The following NAV2 variants were observed in gnomAD, a reference collection of about 807,000 sequenced individuals.
The protein encoded by NAV2 is neuron navigator 2.
NAV2 carries 54 observed loss-of-function variants against 223.2 expected under a neutral mutation model. The ratio of observed to expected loss-of-function variants is 0.24; its 90% CI spans 0.19 to 0.30. The LOEUF (loss-of-function observed/expected upper bound fraction) is 0.30, where lower values mean the gene tolerates loss of function less well. Among genes scored for constraint, NAV2 ranks in the 10% least tolerant of loss-of-function variants. The pLI, the probability that NAV2 is intolerant of heterozygous loss-of-function variation, is 1.00. For missense variants in NAV2, 2,806 were observed against 3,147.5 expected, an observed-to-expected ratio of 0.89 and a Z score of 2.60; for synonymous variants, 1,279 against 1,239.3, an observed-to-expected ratio of 1.03 and a Z score of -0.67.
intron 1 of NAV2, among the ~76,000 whole-genome samples, chr11:19,367,466 G>C (rs981272263): frequency 1.2e-4 from 19 of 152,172 alleles, no homozygotes; most frequent in Middle Eastern, 3.4e-3. Context: ...TTTATGTCTG[G>C]GACATTGTAG....
At chr11:19,862,303 G>A (rs562415734) in intron 3 of NAV2, among the ~76,000 whole-genome samples, 4 of 152,334 alleles carry the variant, frequency 2.6e-5, no homozygotes, top group Admixed American at 1.3e-4. Flanking sequence ...TTAAAGGCAG[G>A]AGCTGGGCAA....
rs115168945 is a variant in NAV2 at position 20,060,673 on chromosome 11, T to C, written c.4832-1634T>C. 3.3e-3 allele frequency among the ~76,000 whole-genome samples: 497 copies of C among 152,324 alleles called. 1 individual carries two copies. The highest frequency in any genetic ancestry group is 0.011 in the African/African-American group (477 of 41,576). ...GAGGAAGCCCTCCCAGGTGGCAGTC[T>C]GCGAAATGAGGAAAGGTCCCATAGA... On this transcript the variant is annotated intron_variant, in intron 19 of 37. Coordinates refer to ENST00000349880, the MANE Select transcript of NAV2 (RefSeq NM_145117.5).
intron 3 of NAV2, among the ~76,000 whole-genome samples, chr11:19,848,628 G>A (rs1445631582): frequency 2.0e-5 from 3 of 152,210 alleles, no homozygotes; most frequent in African/African-American, 7.2e-5. Context: ...TTTGCCTCAT[G>A]GGGTTGTTTT....
At chr11:19,472,435 G>A (rs1018689775) in intron 1 of NAV2, among the ~76,000 whole-genome samples, 4 of 152,064 alleles carry the variant, frequency 2.6e-5, no homozygotes, top group Non-Finnish European at 4.4e-5. Flanking sequence ...TGCCTAGAAC[G>A]ATACCAATAA....
At chr11:19,515,558 C>T (rs2134269716) in intron 1 of NAV2, among the ~76,000 whole-genome samples, 1 of 152,206 alleles carries the variant, frequency 6.6e-6, no homozygotes. Flanking sequence ...TCTACATATC[C>T]TTTTTTCACT....
At chr11:19,417,094 A>G (rs538589014) in intron 1 of NAV2, among the ~76,000 whole-genome samples, 3 of 152,348 alleles carry the variant, frequency 2.0e-5, no homozygotes, top group Non-Finnish European at 2.9e-5. Flanking sequence ...CAATTGACCA[A>G]TGGGATCTAA....
At chr11:19,389,079 C>G (rs1454167346) in intron 1 of NAV2, among the ~76,000 whole-genome samples, 1 of 152,206 alleles carries the variant, frequency 6.6e-6, no homozygotes, top group Non-Finnish European at 1.5e-5. Flanking sequence ...TGTAATCTAG[C>G]TCACAGCTGT....
intron 6 of NAV2, among the ~76,000 whole-genome samples, chr11:19,927,224 G>T (rs933804025): frequency 2.6e-5 from 4 of 152,172 alleles, no homozygotes; most frequent in African/African-American, 9.7e-5. Flanking sequence ...GGCCAACCTT[G>T]TAAGCTGGTC....
chr11:19,408,775 G>T (rs913531038), intron 1 of NAV2, among the ~76,000 whole-genome samples: 7 of 152,180 alleles, frequency 4.6e-5, no homozygotes, highest in African/African-American at 1.7e-4. Flanking sequence ...CAGAATTCGA[G>T]CCTGGGCCTG....
intron 1 of NAV2, among the ~76,000 whole-genome samples, chr11:19,647,038 G>A (rs2047835909): frequency 6.6e-6 from 1 of 152,172 alleles, no homozygotes; most frequent in Admixed American, 6.5e-5. Context: ...ACAAGCAGAG[G>A]TGGAGTAAGA....
intron 1 of NAV2, among the ~76,000 whole-genome samples, chr11:19,496,215 T>C (rs550142641): frequency 6.6e-6 from 1 of 152,368 alleles, no homozygotes; most frequent in African/African-American, 2.4e-5. Flanking sequence ...TTATATGTAA[T>C]GATTTGTTAT....
chr11:19,767,596 T>C (rs1428555590), intron 1 of NAV2, among the ~76,000 whole-genome samples: 5 of 152,220 alleles, frequency 3.3e-5, no homozygotes, highest in Non-Finnish European at 1.5e-5. Context: ...AACAATAAAC[T>C]TTCAATGAGC....
chr11:19,397,691 T>G (rs1849516670), intron 1 of NAV2, among the ~76,000 whole-genome samples: 1 of 152,200 alleles, frequency 6.6e-6, no homozygotes, highest in Admixed American at 6.5e-5. Flanking sequence ...CTCTAAATTA[T>G]ATGTCACAGA....
chr11:19,465,449 T>C (rs1852317601), intron 1 of NAV2, among the ~76,000 whole-genome samples: 1 of 152,266 alleles, frequency 6.6e-6, no homozygotes, highest in Non-Finnish European at 1.5e-5. Context: ...ATTTTAATTA[T>C]TTTAATTGTT....
chr11:19,498,242 G>A (rs943943283), intron 1 of NAV2, among the ~76,000 whole-genome samples: 1 of 152,296 alleles, frequency 6.6e-6, no homozygotes, highest in Non-Finnish European at 1.5e-5. Flanking sequence ...TTACACGTGG[G>A]CCACTGATGT....
At chr11:19,919,004 C>T (rs1334377191) in intron 6 of NAV2, among the ~76,000 whole-genome samples, 1 of 151,950 alleles carries the variant, frequency 6.6e-6, no homozygotes, top group Non-Finnish European at 1.5e-5. Flanking sequence ...TGGGAAAGTA[C>T]CTGAAACAGA....
Position 19,809,763 on chromosome 11 carries a change from A to G in NAV2, c.268-22721A>G, listed in dbSNP as rs143885846. On this transcript the variant is annotated intron_variant, in intron 1 of 37. Transcript: ENST00000349880. ...TGGTTTTGAAAAGTTATAGTTAGATATTTTGTAGAATGGACATCATCGCTA... is the reference window on the plus strand; with the variant it reads ...TGGTTTTGAAAAGTTATAGTTAGATGTTTTGTAGAATGGACATCATCGCTA... Among the ~76,000 whole-genome samples the G allele has an allele frequency of 6.6e-5, 10 of 150,762 alleles. 1 individual carries two copies. In the East Asian group the frequency reaches 2.0e-3, roughly 30 times the overall value.
At chr11:19,941,816 A>G (rs981850514) in intron 8 of NAV2, among the ~76,000 whole-genome samples, 5 of 152,216 alleles carry the variant, frequency 3.3e-5, no homozygotes, top group Admixed American at 1.3e-4. Context: ...TGACGGCTTC[A>G]GCAGTTAATG....
At chr11:20,018,305 G>A (rs916577654) in intron 11 of NAV2, among the ~76,000 whole-genome samples, 4 of 129,626 alleles carry the variant, frequency 3.1e-5, no homozygotes, top group Non-Finnish European at 6.2e-5. Flanking sequence ...AGTGAGCTGA[G>A]ATCGGCCCAC....
Sources: allele counts gnomAD v4.1 joint callset (sites outside exome capture counted in the v4.1 genomes callset), GRCh38; gene constraint gnomAD v4.1.1; transcripts MANE v1.5; gene names NCBI Gene and HGNC (gene_info 2026-07-23, HGNC 2026-07-21).